PTPRE: variants seen among roughly 807,000 people sequenced by gnomAD.
PTPRE encodes protein tyrosine phosphatase receptor type E.
In PTPRE, 51 loss-of-function variants were observed where a neutral mutation model predicts 102.0. That is an observed-to-expected ratio of 0.50 (90% CI 0.40 to 0.63). PTPRE has a LOEUF of 0.63. PTPRE is among the 30% of genes least tolerant of loss of function. The probability of loss-of-function intolerance (pLI) is 0.00; values close to 1 mark genes in which losing one functional copy is unlikely to be tolerated. For missense variants in PTPRE, 752 were observed against 915.1 expected (o/e 0.82, Z 2.30); for synonymous variants, 345 against 348.2 (o/e 0.99, Z 0.10).
intron 2 of PTPRE, among the ~76,000 whole-genome samples, chr10:127,996,607 T>C (rs779493529): frequency 1.3e-5 from 2 of 152,236 alleles, no homozygotes; most frequent in Non-Finnish European, 2.9e-5. Flanking sequence ...CCAGCTAGTA[T>C]GCCTCCCGGC....
chr10:127,964,847 G>T (rs1276700725), intron 1 of PTPRE: 1 of 339,932 alleles, frequency 2.9e-6, no homozygotes, highest in Non-Finnish European at 5.9e-6. Context: ...GCAGCCAGTT[G>T]TCTAGTTGTC....
intron 1 of PTPRE, among the ~76,000 whole-genome samples, chr10:127,981,777 A>T (rs950803087): frequency 2.6e-5 from 4 of 152,058 alleles, no homozygotes; most frequent in African/African-American, 9.6e-5. Context: ...AGATCACTCC[A>T]TTGCACTCCA....
chr10:127,940,676 A>T (rs1441758409), intron 1 of PTPRE, among the ~76,000 whole-genome samples: 3 of 152,108 alleles, frequency 2.0e-5, no homozygotes, highest in East Asian at 3.9e-4. Context: ...TTCTAGGCCT[A>T]TTGTCCATCG....
intron 1 of PTPRE, among the ~76,000 whole-genome samples, chr10:127,952,797 G>C (rs1361499029): frequency 6.6e-6 from 1 of 152,174 alleles, no homozygotes; most frequent in South Asian, 2.1e-4. Flanking sequence ...CATTCTTTGG[G>C]TTTGGTTGGG....
chr10:128,002,640 G>A (rs534509394), intron 2 of PTPRE, among the ~76,000 whole-genome samples: 2 of 140,070 alleles, frequency 1.4e-5, no homozygotes, highest in African/African-American at 5.3e-5. Context: ...TCTGATGAAT[G>A]ATGCAATGTC....
intron 2 of PTPRE, among the ~76,000 whole-genome samples, chr10:128,022,437 G>A (rs573322048): frequency 3.7e-4 from 57 of 152,354 alleles, no homozygotes; most frequent in African/African-American, 1.2e-3. Context: ...TGAAGCTCGG[G>A]TCCAGAACAG....
intron 1 of PTPRE, among the ~76,000 whole-genome samples, chr10:127,951,283 G>A (rs1250589656): frequency 6.6e-6 from 1 of 152,208 alleles, no homozygotes; most frequent in Non-Finnish European, 1.5e-5. Context: ...AGGAGAGGCT[G>A]GGTTCCCTCC....
At chr10:128,071,736 C>A (rs1850785596) in intron 15 of PTPRE, 2 of 178,174 alleles carry the variant, frequency 1.1e-5, no homozygotes, top group South Asian at 2.2e-4. Flanking sequence ...TCCCCGAGCA[C>A]TGCAGGCGAG....
At chr10:128,073,309 ACT>A (rs1226245928) in intron 16 of PTPRE, 26 bp from the exon 17 acceptor site, 1 of 1,612,930 alleles carries the variant, frequency 6.2e-7, no homozygotes, top group Non-Finnish European at 8.5e-7. Flanking sequence ...AGGAAGTCAG[ACT>A]CTAACCTCTG....
intron 20 of PTPRE, among the ~76,000 whole-genome samples, chr10:128,082,064 T>C (rs188169959): frequency 5.9e-5 from 9 of 152,324 alleles, no homozygotes; most frequent in Non-Finnish European, 1.0e-4. Context: ...CCAGCCTATA[T>C]ATAAAACAAT....
intron 5 of PTPRE, 53 bp from the exon 6 acceptor site, chr10:128,049,477 C>G (rs1052209766): frequency 6.3e-7 from 1 of 1,596,628 alleles, no homozygotes; most frequent in Non-Finnish European, 8.6e-7. Context: ...GTTACTCAGT[C>G]GCCTATCCAG....
chr10:127,931,293 C>A (rs1022021059), intron 1 of PTPRE, among the ~76,000 whole-genome samples: 1 of 152,070 alleles, frequency 6.6e-6, no homozygotes, highest in East Asian at 1.9e-4. Context: ...GTTGTTAATG[C>A]TATATATTTT....
At chr10:128,033,528 C>A (rs1191354490) in intron 2 of PTPRE, among the ~76,000 whole-genome samples, 1 of 152,180 alleles carries the variant, frequency 6.6e-6, no homozygotes, top group East Asian at 1.9e-4. Flanking sequence ...GAGTCAGCAT[C>A]ATGATAAAAT....
chr10:127,978,970 A>G (rs1402652600), intron 1 of PTPRE, among the ~76,000 whole-genome samples: 1 of 152,172 alleles, frequency 6.6e-6, no homozygotes, highest in Non-Finnish European at 1.5e-5. Context: ...GCAGTGAGCC[A>G]AGATCCCGCT....
At chr10:128,036,932 T>C (rs1490874749) in intron 2 of PTPRE, among the ~76,000 whole-genome samples, 1 of 152,228 alleles carries the variant, frequency 6.6e-6, no homozygotes, top group Non-Finnish European at 1.5e-5. Flanking sequence ...CCGCAAAGGC[T>C]ATCCTGTGTC....
intron 1 of PTPRE, among the ~76,000 whole-genome samples, chr10:127,971,252 C>T (rs1850706001): frequency 6.6e-6 from 1 of 152,220 alleles, no homozygotes; most frequent in Admixed American, 6.5e-5. Context: ...ACATTCACAT[C>T]CCAAAAAGGA....
chr10:127,971,775 G>A (rs907712934), intron 1 of PTPRE, among the ~76,000 whole-genome samples: 1 of 152,166 alleles, frequency 6.6e-6, no homozygotes, highest in East Asian at 1.9e-4. Flanking sequence ...TACAGATCCC[G>A]GCCAGCCATG....
intron 19 of PTPRE, 63 bp downstream of exon 19, chr10:128,077,846 G>A (rs768775269): frequency 1.9e-5 from 29 of 1,516,024 alleles, no homozygotes; most frequent in South Asian, 5.1e-5. Context: ...CCCAGTACCC[G>A]CAGCTGTGGG....
intron 1 of PTPRE, among the ~76,000 whole-genome samples, chr10:127,981,914 T>C (rs1279815574): frequency 1.3e-5 from 2 of 151,860 alleles, no homozygotes; most frequent in South Asian, 2.1e-4. Flanking sequence ...CCAGACCAGG[T>C]TGTAAAAGGC....
Sources: gnomAD v4.1 joint callset for allele counts (sites outside exome capture counted in the v4.1 genomes callset) on GRCh38, gnomAD v4.1.1 for gene constraint, MANE v1.5 for transcripts, NCBI Gene and HGNC (gene_info 2026-07-23, HGNC 2026-07-21) for gene names.